The following TMTC1 variants were observed in gnomAD, a reference collection of about 807,000 sequenced individuals.
TMTC1 encodes the protein transmembrane O-mannosyltransferase targeting cadherins 1.
Under a neutral mutation model 104.8 loss-of-function variants are expected in TMTC1, and 73 were observed. The observed-to-expected ratio is 0.70, with a 90% CI of 0.58 to 0.85. The LOEUF (loss-of-function observed/expected upper bound fraction) is 0.85. Ranked by LOEUF, TMTC1 falls within the 40% of genes least tolerant of loss-of-function variation. The pLI is 0.00. For missense variants in TMTC1, 1,035 were observed against 1,096.1 expected (o/e 0.94, Z 0.79); for synonymous variants, 434 against 428.7 (o/e 1.01, Z -0.15).
rs935757666 is a variant in TMTC1, at chr12:29,663,713, C to T, written c.939-30377G>A. 9.8e-5 allele frequency among the ~76,000 whole-genome samples: 12 copies of T among 121,906 alleles called. 2 individuals carry two copies. The highest frequency in any genetic ancestry group is 2.6e-4 in the East Asian group (1 of 3,862). 80.0% of individuals were successfully genotyped at this position (121,906 alleles called of 152,430 possible). On this transcript the variant is annotated intron_variant, in intron 5 of 17. Transcript: ENST00000539277. ...TGTACTTTTAGTAGAGACAGGGTTTCGCCATGTTGGCCAGGCTGGTCTCAA... is the reference window on the plus strand; with the variant it reads ...TGTACTTTTAGTAGAGACAGGGTTTTGCCATGTTGGCCAGGCTGGTCTCAA...
At chr12:29,774,156 G>GC (rs1429572725) in intron 1 of TMTC1, among the ~76,000 whole-genome samples, 1 of 152,118 alleles carries the variant, frequency 6.6e-6, no homozygotes, top group Non-Finnish European at 1.5e-5. Context: ...TTAAACATGG[G>GC]CCCCCATGAG....
At chr12:29,507,598 G>A (rs79536574) in intron 17 of TMTC1, among the ~76,000 whole-genome samples, 1 of 152,138 alleles carries the variant, frequency 6.6e-6, no homozygotes, top group Non-Finnish European at 1.5e-5. Context: ...TACTTTTAGT[G>A]CAGTATGGTA....
At chr12:29,566,291 T>C (rs1945511767) in intron 9 of TMTC1, among the ~76,000 whole-genome samples, 1 of 152,070 alleles carries the variant, frequency 6.6e-6, no homozygotes, top group South Asian at 2.1e-4. Context: ...TGCAGCCCAG[T>C]GTGTCTGGAG....
At chr12:29,544,114 G>T (rs1158379056) in intron 10 of TMTC1, among the ~76,000 whole-genome samples, 1 of 151,814 alleles carries the variant, frequency 6.6e-6, no homozygotes, top group African/African-American at 2.4e-5. Flanking sequence ...CGTGGTGGTG[G>T]CGCCTGTAAT....
rs550670499 is a variant in TMTC1 at position 29,534,459 on chromosome 12, C to T, written c.1785+1750G>A. ...TGTAAGAAAAGATAATGATCCTAGT[C>T]ATCATTTGTTGTTCTTAACAATTGT... is the stretch of plus-strand genomic sequence containing the variant. On this transcript the variant is annotated intron_variant, in intron 11 of 17. Transcript: ENST00000539277. 23 of 152,290 alleles carry T rather than the reference C, an allele frequency of 1.5e-4. No individual in the cohort carries two copies. In the South Asian group the frequency reaches 4.4e-3, roughly 29 times the overall value. The allele number at this position is 152,290 out of a possible 1,614,324, so 9.4% of individuals were successfully genotyped here. A position where few individuals can be genotyped will look rare whatever the true frequency, so the allele number is the denominator to read the frequency against.
intron 6 of TMTC1, among the ~76,000 whole-genome samples, chr12:29,625,196 T>C (rs1937914248): frequency 6.6e-6 from 1 of 152,206 alleles, no homozygotes; most frequent in African/African-American, 2.4e-5. Context: ...CAGAACAATG[T>C]CCATAAAGCA....
chr12:29,775,471 A>G (rs1170022189), intron 1 of TMTC1, among the ~76,000 whole-genome samples: 1 of 152,200 alleles, frequency 6.6e-6, no homozygotes, highest in African/African-American at 2.4e-5. Flanking sequence ...GAAATCGAGT[A>G]ACCCCTATAC....
intron 6 of TMTC1, among the ~76,000 whole-genome samples, chr12:29,629,229 G>A (rs1198197615): frequency 6.6e-6 from 1 of 151,874 alleles, no homozygotes; most frequent in Non-Finnish European, 1.5e-5. Context: ...GCTGAGGCAA[G>A]AGAATGGCGT....
Position 29,506,338 on chromosome 12 carries a change from AAG to A in TMTC1, c.*506_*507del, listed in dbSNP as rs1217050045. 6.5e-6 allele frequency: 1 copy of A among 153,302 alleles called. No homozygotes were observed. The highest frequency in any genetic ancestry group is 1.5e-5 in the Non-Finnish European group (1 of 68,790). 9.5% of individuals were successfully genotyped at this position (153,302 alleles called of 1,614,324 possible). On this transcript the variant is annotated 3_prime_UTR_variant, in exon 18 of 18. Coordinates refer to ENST00000539277, the MANE Select transcript of TMTC1 (RefSeq NM_001193451.2). ...CCACATATTCTGGAAGGTTCTACAA[AAG>A]CTATTAGATACTCATTCCTGGTTCT...
At chr12:29,556,484 C>A (rs1396860014) in intron 10 of TMTC1, among the ~76,000 whole-genome samples, 1 of 152,200 alleles carries the variant, frequency 6.6e-6, no homozygotes, top group African/African-American at 2.4e-5. Context: ...AAATGACTAT[C>A]CCACAGTCCC....
chr12:29,519,315 C>T (rs1293692293), intron 12 of TMTC1: 2 of 152,114 alleles, frequency 1.3e-5, no homozygotes, highest in Non-Finnish European at 2.9e-5. Context: ...TAAAAAACCA[C>T]ACACAAAAAT....
At chr12:29,535,457 A>C (rs1565652845) in intron 11 of TMTC1, 1 of 152,206 alleles carries the variant, frequency 6.6e-6, no homozygotes, top group African/African-American at 2.4e-5. Context: ...CGCTCCCTAC[A>C]AAACTGACAT....
At chr12:29,748,140 G>A (rs545764150) in intron 5 of TMTC1, among the ~76,000 whole-genome samples, 5 of 152,216 alleles carry the variant, frequency 3.3e-5, no homozygotes, top group South Asian at 4.2e-4. Context: ...AAGATGGTCC[G>A]GGACCATAAA....
At chr12:29,742,400 C>T (rs1489049908) in intron 5 of TMTC1, among the ~76,000 whole-genome samples, 2 of 152,090 alleles carry the variant, frequency 1.3e-5, no homozygotes, top group African/African-American at 2.4e-5. Context: ...TGACAGGTCG[C>T]TCATGAAGAC....
At chr12:29,680,313 C>A (rs768031901) in intron 5 of TMTC1, among the ~76,000 whole-genome samples, 5 of 152,176 alleles carry the variant, frequency 3.3e-5, no homozygotes, top group Non-Finnish European at 4.4e-5. Flanking sequence ...GGAATGAGCA[C>A]CACAATGCCC....
At chr12:29,604,525 A>G (rs1351752869) in intron 6 of TMTC1, among the ~76,000 whole-genome samples, 1 of 152,148 alleles carries the variant, frequency 6.6e-6, no homozygotes, top group Non-Finnish European at 1.5e-5. Context: ...GCCACCCAGA[A>G]ACATGGATAT....
At chr12:29,737,912 G>A (rs1305938232) in intron 5 of TMTC1, among the ~76,000 whole-genome samples, 1 of 152,130 alleles carries the variant, frequency 6.6e-6, no homozygotes, top group Non-Finnish European at 1.5e-5. Flanking sequence ...CTTTCCAATG[G>A]GAAAGAGATC....
chr12:29,646,188 C>CAGA (rs1281416076), intron 5 of TMTC1, among the ~76,000 whole-genome samples: 8 of 152,176 alleles, frequency 5.3e-5, no homozygotes, highest in Non-Finnish European at 1.0e-4. Flanking sequence ...CAGTGCAGCC[C>CAGA]AGAAGAACTG....
intron 5 of TMTC1, among the ~76,000 whole-genome samples, chr12:29,706,758 C>T (rs1319198839): frequency 6.6e-6 from 1 of 152,094 alleles, no homozygotes; most frequent in Non-Finnish European, 1.5e-5. Context: ...CAATGCCATT[C>T]AATGTGGGTA....
Sources: allele counts gnomAD v4.1 joint callset (sites outside exome capture counted in the v4.1 genomes callset), GRCh38; gene constraint gnomAD v4.1.1; transcripts MANE v1.5; gene names NCBI Gene and HGNC (gene_info 2026-07-23, HGNC 2026-07-21).